The following ZNF618 variants were observed in gnomAD, a reference collection of about 807,000 sequenced individuals.
ZNF618 encodes neural precursor cell expressed, developmentally down-regulated 10.
In ZNF618, 34 loss-of-function variants were observed where a neutral mutation model predicts 103.0. That is an observed-to-expected ratio of 0.33 (90% CI 0.25 to 0.44). The LOEUF is 0.44. ZNF618 is among the 20% of genes least tolerant of loss of function. The probability of loss-of-function intolerance (pLI) is 1.00; values close to 1 mark genes in which losing one functional copy is unlikely to be tolerated. For missense variants in ZNF618, 1,059 were observed against 1,295.4 expected, an observed-to-expected ratio of 0.82 and a Z score of 2.80; for synonymous variants, 551 against 542.2, an observed-to-expected ratio of 1.02 and a Z score of -0.23.
chr9:114,029,962 AC>A lies in ZNF618; in HGVS notation c.1084+992del, dbSNP rs1268521242. Among the ~76,000 whole-genome samples the A allele has an allele frequency of 4.6e-5, 7 of 152,350 alleles. No individual in the cohort carries two copies. The East Asian group carries it at 1.2e-3, about 25-fold the overall frequency. ...GTTTGGATGGAACCAGCCCTGGGCC[AC>A]CTGCCGGGACTTGTGGGTTGTAGGG... On this transcript the variant is annotated intron_variant, in intron 11 of 14. Transcript: ENST00000374126.
chr9:114,005,822 T>C (rs1048166571), intron 6 of ZNF618, among the ~76,000 whole-genome samples: 2 of 152,144 alleles, frequency 1.3e-5, no homozygotes, highest in African/African-American at 2.4e-5. Flanking sequence ...AGAACCACCA[T>C]CCTGGGAGAG....
At chr9:113,989,646 G>A (rs1051065288) in intron 3 of ZNF618, among the ~76,000 whole-genome samples, 3 of 152,198 alleles carry the variant, frequency 2.0e-5, no homozygotes, top group African/African-American at 7.2e-5. Context: ...TCCAGCTCTG[G>A]CTCACCTCCT....
At chr9:113,963,396 G>A (rs1837049672) in intron 1 of ZNF618, among the ~76,000 whole-genome samples, 2 of 152,198 alleles carry the variant, frequency 1.3e-5, no homozygotes, top group African/African-American at 4.8e-5. Context: ...ATATTCAAAT[G>A]TATTGGTAAG....
At chr9:114,016,852 A>G in intron 10 of ZNF618, 68 bp downstream of exon 10, 1 of 1,297,078 alleles carries the variant, frequency 7.7e-7, no homozygotes, top group South Asian at 1.3e-5. Flanking sequence ...GCCGTTGGCC[A>G]GGCCTCTGGA....
At chr9:113,987,686 G>A (rs2133279060) in intron 2 of ZNF618, among the ~76,000 whole-genome samples, 1 of 152,338 alleles carries the variant, frequency 6.6e-6, no homozygotes, top group East Asian at 1.9e-4. Flanking sequence ...ACCTGAGAGA[G>A]CTTGTTAGAA....
intron 1 of ZNF618, among the ~76,000 whole-genome samples, chr9:113,877,373 A>C (rs931099481): frequency 6.6e-6 from 1 of 152,192 alleles, no homozygotes; most frequent in Non-Finnish European, 1.5e-5. Flanking sequence ...ATTGTACTTC[A>C]TTGTAATTTG....
chr9:114,042,805 G>A (rs1016433645), intron 13 of ZNF618, among the ~76,000 whole-genome samples: 1 of 152,168 alleles, frequency 6.6e-6, no homozygotes, highest in African/African-American at 2.4e-5. Context: ...CTCCAGCCTG[G>A]GCGACAGAGC....
At chr9:113,897,239 C>T (rs1015645493) in intron 1 of ZNF618, among the ~76,000 whole-genome samples, 1 of 152,052 alleles carries the variant, frequency 6.6e-6, no homozygotes, top group Non-Finnish European at 1.5e-5. Context: ...TTTTTGATTC[C>T]TTCATATATG....
At chr9:114,019,126 T>G (rs1030321586) in intron 10 of ZNF618, among the ~76,000 whole-genome samples, 19 of 152,270 alleles carry the variant, frequency 1.2e-4, no homozygotes, top group African/African-American at 4.6e-4. Flanking sequence ...TGACTTCTTT[T>G]GCTCAGCAGA....
At chr9:113,932,957 A>C (rs944562657) in intron 1 of ZNF618, among the ~76,000 whole-genome samples, 13 of 152,298 alleles carry the variant, frequency 8.5e-5, no homozygotes, top group South Asian at 8.3e-4. Context: ...CAGCTCACCT[A>C]GGGAATAAGC....
At chr9:113,911,583 C>T (rs1480825038) in intron 1 of ZNF618, among the ~76,000 whole-genome samples, 1 of 152,152 alleles carries the variant, frequency 6.6e-6, no homozygotes, top group Non-Finnish European at 1.5e-5. Context: ...CCCGCCTTGG[C>T]CTCCCAACGT....
chr9:114,025,342 T>G (rs1425880242), intron 10 of ZNF618, among the ~76,000 whole-genome samples: 4 of 152,240 alleles, frequency 2.6e-5, no homozygotes, highest in Admixed American at 2.6e-4. Context: ...GATTGTGTGG[T>G]TGCTTTTCTT....
chr9:114,003,452 G>A (rs1841442888), intron 6 of ZNF618, among the ~76,000 whole-genome samples: 1 of 152,164 alleles, frequency 6.6e-6, no homozygotes, highest in Non-Finnish European at 1.5e-5. Flanking sequence ...TAACAAACTA[G>A]AAGCCCCCAA....
chr9:114,048,484 C>T (rs1428045146), intron 14 of ZNF618, among the ~76,000 whole-genome samples, 167 bp from the exon 15 acceptor site: 1 of 152,158 alleles, frequency 6.6e-6, no homozygotes, highest in Non-Finnish European at 1.5e-5. Context: ...GAACTTTATC[C>T]CTGTGAGACC....
chr9:113,924,014 A>G (rs1287995355), intron 1 of ZNF618, among the ~76,000 whole-genome samples: 1 of 152,070 alleles, frequency 6.6e-6, no homozygotes, highest in Non-Finnish European at 1.5e-5. Flanking sequence ...CTAAACTTGC[A>G]TTAGAGTAAT....
chr9:113,910,466 A>T (rs574828127), intron 1 of ZNF618, among the ~76,000 whole-genome samples: 16 of 152,100 alleles, frequency 1.1e-4, no homozygotes, highest in Non-Finnish European at 1.0e-4. Flanking sequence ...ACAGTGACTT[A>T]TTATTGGCCT....
At chr9:113,965,167 A>G (rs1837273885) in intron 1 of ZNF618, among the ~76,000 whole-genome samples, 1 of 152,170 alleles carries the variant, frequency 6.6e-6, no homozygotes, top group Admixed American at 6.5e-5. Flanking sequence ...TTTAAATTAA[A>G]AAAGGGTTTA....
chr9:113,995,010 C>T (rs1336293857), intron 3 of ZNF618, among the ~76,000 whole-genome samples: 2 of 151,810 alleles, frequency 1.3e-5, no homozygotes, highest in Non-Finnish European at 2.9e-5. Flanking sequence ...CAAACACTAC[C>T]ACTATTTGAT....
intron 6 of ZNF618, among the ~76,000 whole-genome samples, chr9:114,003,600 G>T (rs4979319): frequency 0.32 from 48,772 of 152,098 alleles, 8,740 homozygotes; most frequent in East Asian, 0.61. Flanking sequence ...GAGGCCAGGC[G>T]TAAACAGAGT....
Sources: allele counts gnomAD v4.1 joint callset (sites outside exome capture counted in the v4.1 genomes callset), GRCh38; gene constraint gnomAD v4.1.1; transcripts MANE v1.5; gene names NCBI Gene and HGNC (gene_info 2026-07-23, HGNC 2026-07-21).